Variants in TNRC6B observed in about 807,000 individuals in gnomAD.
TNRC6B encodes the protein trinucleotide repeat containing adaptor 6B.
In TNRC6B, 52 loss-of-function variants were observed where a neutral mutation model predicts 203.6. The observed-to-expected ratio is 0.26, with a 90% CI of 0.20 to 0.32. The LOEUF (loss-of-function observed/expected upper bound fraction) is 0.32, where lower values mean the gene tolerates loss of function less well. Ranked by LOEUF, TNRC6B falls within the 10% of genes least tolerant of loss-of-function variation. The probability of loss-of-function intolerance (pLI) is 1.00; values close to 1 mark genes in which losing one functional copy is unlikely to be tolerated. For missense variants in TNRC6B, 1,923 were observed against 2,286.2 expected, an observed-to-expected ratio of 0.84 and a Z score of 3.24; for synonymous variants, 838 against 845.7, an observed-to-expected ratio of 0.99 and a Z score of 0.16.
rs377413389 is a variant in TNRC6B at position 40,053,698 on chromosome 22, C to T, written c.-121+8700C>T. ...ACATACTGTACTGTGTCTGTCATATCGTAGACACTCAAATGTTTGTTAAAT... is the reference window on the plus strand; with the variant it reads ...ACATACTGTACTGTGTCTGTCATATTGTAGACACTCAAATGTTTGTTAAAT... On this transcript the variant is annotated intron_variant, in intron 1 of 23. Transcript: ENST00000301923. 3.3e-5 allele frequency among the ~76,000 whole-genome samples: 5 copies of T among 152,238 alleles called. No individual in the cohort carries two copies. The East Asian group carries it at 5.8e-4, about 18-fold the overall frequency.
intron 7 of TNRC6B, 67 bp downstream of exon 7, chr22:40,273,667 T>C: frequency 6.9e-7 from 1 of 1,443,976 alleles, no homozygotes; most frequent in East Asian, 2.5e-5. Flanking sequence ...GGTTTTGTTT[T>C]GTTTGTTTTT....
At chr22:40,281,087 G>A (rs1438560164) in intron 10 of TNRC6B, 32 bp from the exon 11 acceptor site, 28 of 1,515,818 alleles carry the variant, frequency 1.8e-5, no homozygotes, top group Middle Eastern at 1.7e-4. Context: ...ACCAACACTC[G>A]TTGTGATTGG....
intron 1 of TNRC6B, among the ~76,000 whole-genome samples, chr22:40,110,579 GAGGGCATAA>G (rs2068323773): frequency 6.6e-6 from 1 of 152,224 alleles, no homozygotes; most frequent in Admixed American, 6.5e-5. Flanking sequence ...GGCCAGGCTG[GAGGGCATAA>G]ATTAGTTGAG....
rs184640228 is a variant in TNRC6B at position 40,327,908 on chromosome 22, A to C, written c.*4667A>C. The C allele has an allele frequency of 6.6e-6, 1 of 151,612 alleles. No homozygotes were observed. The highest frequency in any genetic ancestry group is 1.5e-5 in the Non-Finnish European group (1 of 67,970). 9.4% of individuals were successfully genotyped at this position (151,612 alleles called of 1,614,324 possible). ...TTACTAGTGGCTTAGAGGTGTGTAC[A>C]TCTCCTGAACATCACAAACTTGGTT... On this transcript the variant is annotated 3_prime_UTR_variant, in exon 23 of 23. Coordinates refer to ENST00000454349, the MANE Select transcript of TNRC6B (RefSeq NM_001162501.2).
chr22:40,177,965 T>A lies in TNRC6B; in HGVS notation c.-171T>A, dbSNP rs2069083415. ...GAGAGAGAGCAAGAGGGAGAGTGTG[T>A]GAGAGAGAGTTAGTTCAAGCCAAAA... On this transcript the variant is annotated 5_prime_UTR_variant, in exon 1 of 23. Transcript: ENST00000454349. 4.1e-6 allele frequency: 6 copies of A among 1,452,910 alleles called. No homozygotes were observed. Among genetic ancestry groups the A allele is most frequent in the African/African-American group, 1.4e-5 (1 of 69,584 alleles). 90.0% of individuals were successfully genotyped at this position (1,452,910 alleles called of 1,614,324 possible). A position where few individuals can be genotyped will look rare whatever the true frequency, so the allele number is the denominator to read the frequency against.
chr22:40,177,847 C>G, upstream of TNRC6B: 2 of 1,327,158 alleles, frequency 1.5e-6, no homozygotes, highest in Non-Finnish European at 1.9e-6. Context: ...CCAGCTCCCT[C>G]CCCTTTCCTG....
chr22:40,261,992 G>A lies in TNRC6B; in HGVS notation c.276G>A (p.Pro92=), dbSNP rs748531203. The A allele has an allele frequency of 2.9e-5, 46 of 1,610,528 alleles. No homozygotes were observed. Among genetic ancestry groups the A allele is most frequent in the Middle Eastern group, 1.6e-4 (1 of 6,066 alleles). The stretch of plus-strand genomic sequence containing the variant: ...CCCGCTACATGCCTCGGGAGGTGCC[G>A]CCGCGATTCCGTTGCCAGCAGGACC... The part of the protein sequence containing the change: ...SAARYMPREV[P]PRFRCQQDHK... Residue 92 remains proline (P), a synonymous_variant, in exon 4 of 23, where the codon CCG becomes CCA. Transcript: ENST00000454349.
chr22:40,044,952 C>T (rs935063515), exon 1 of TNRC6B: 5 of 152,168 alleles, frequency 3.3e-5, no homozygotes, highest in African/African-American at 1.2e-4. Context: ...CTGCGCGCCT[C>T]GCCTCACAGC....
intron 1 of TNRC6B, among the ~76,000 whole-genome samples, chr22:40,238,014 T>A (rs1056444181): frequency 1.3e-5 from 2 of 152,108 alleles, no homozygotes; most frequent in Non-Finnish European, 2.9e-5. Flanking sequence ...GTTTATTAGA[T>A]GATGTAGTTC....
At chr22:40,163,275 G>A (rs1448644497) in intron 4 of TNRC6B, among the ~76,000 whole-genome samples, 5 of 150,720 alleles carry the variant, frequency 3.3e-5, no homozygotes, top group African/African-American at 4.9e-5. Context: ...TTAGCTGAGC[G>A]TGTTGTTGTG....
At position 40,194,115 on chromosome 22, in the gene TNRC6B, C is replaced by T. The variant is rs143526464; in HGVS notation, c.5+15975C>T. Among the ~76,000 whole-genome samples the T allele has an allele frequency of 4.8e-3, 730 of 152,118 alleles. 3 individuals carry two copies. The highest frequency in any genetic ancestry group is 0.016 in the African/African-American group (644 of 41,464). The stretch of plus-strand genomic sequence containing the variant: ...ATGCTGGTGAATATGCATGACAGTG[C>T]GTGTTAGGTTGAGAATAAAAGAACC... On this transcript the variant is annotated intron_variant, in intron 1 of 22. Transcript: ENST00000454349.
At chr22:40,122,653 G>A (rs1177773000) in intron 2 of TNRC6B, among the ~76,000 whole-genome samples, 1 of 152,158 alleles carries the variant, frequency 6.6e-6, no homozygotes, top group African/African-American at 2.4e-5. Context: ...AGGAGCCAAA[G>A]GTGGAAACTC....
At chr22:40,114,203 TAAA>T (rs1320959030) in intron 1 of TNRC6B, among the ~76,000 whole-genome samples, 27 of 152,196 alleles carry the variant, frequency 1.8e-4, no homozygotes, top group Non-Finnish European at 7.3e-5. Context: ...ACCAGCAAAA[TAAA>T]TATAGTTTGT....
chr22:40,102,950 GCCTGTA>G (rs773353206), intron 1 of TNRC6B, among the ~76,000 whole-genome samples: 2 of 152,056 alleles, frequency 1.3e-5, no homozygotes, highest in Non-Finnish European at 2.9e-5. Flanking sequence ...GGTGGCACAT[GCCTGTA>G]ATCCCAGCTA....
At chr22:40,160,443 T>A (rs4820405) in intron 4 of TNRC6B, among the ~76,000 whole-genome samples, 99,821 of 147,712 alleles carry the variant, frequency 0.68, 35,369 homozygotes, top group African/African-American at 0.9. Context: ...GCCATTGCAC[T>A]CCAGCCTGGG....
At chr22:40,274,149 T>G (rs923725631) in intron 7 of TNRC6B, among the ~76,000 whole-genome samples, 1 of 152,226 alleles carries the variant, frequency 6.6e-6, no homozygotes, top group African/African-American at 2.4e-5. Flanking sequence ...ATTTTTCATT[T>G]TTAGTTTCCA....
intron 1 of TNRC6B, among the ~76,000 whole-genome samples, chr22:40,115,651 T>C (rs1464031368): frequency 6.6e-6 from 1 of 152,126 alleles, no homozygotes; most frequent in East Asian, 1.9e-4. Context: ...ATATTACCAA[T>C]ATAATGTGTA....
Position 40,249,015 on chromosome 22 carries a change from A to G in TNRC6B, c.94-2164A>G, listed in dbSNP as rs1464114097. Among the ~76,000 whole-genome samples the G allele has an allele frequency of 3.9e-5, 6 of 152,226 alleles. No homozygotes were observed. In the East Asian group the frequency reaches 9.6e-4, roughly 24 times the overall value. The stretch of plus-strand genomic sequence containing the variant: ...TCAGCTAGGAGCCATAAAATGTGCT[A>G]TGATGCAAAGAATCGTGGAGAACGT... On this transcript the variant is annotated intron_variant, in intron 2 of 22. Transcript: ENST00000454349.
At chr22:40,059,178 C>T (rs1269396518) in intron 1 of TNRC6B, among the ~76,000 whole-genome samples, 1 of 152,080 alleles carries the variant, frequency 6.6e-6, no homozygotes, top group African/African-American at 2.4e-5. Context: ...AAATTTTCTC[C>T]CTGCTTCTGG....
Sources: allele counts gnomAD v4.1 joint callset (sites outside exome capture counted in the v4.1 genomes callset), GRCh38; gene constraint gnomAD v4.1.1; transcripts MANE v1.5; gene names NCBI Gene and HGNC (gene_info 2026-07-23, HGNC 2026-07-21).